Variants in ARSJ observed in about 807,000 individuals in gnomAD.
The protein encoded by ARSJ is arylsulfatase family member J.
Under a neutral mutation model 35.9 loss-of-function variants are expected in ARSJ, and 26 were observed. That is an observed-to-expected ratio of 0.72 (90% CI 0.53 to 1.00). The LOEUF is 1.00. Among genes scored for constraint, ARSJ ranks in the 50% least tolerant of loss-of-function variants. The pLI, the probability that ARSJ is intolerant of heterozygous loss-of-function variation, is 0.00. For missense variants in ARSJ, 667 were observed against 723.6 expected (o/e 0.92, Z 0.90); for synonymous variants, 294 against 267.6 (o/e 1.10, Z -0.96).
rs557022959 is a variant in ARSJ at position 113,970,175 on chromosome 4, T to C, written c.398+8262A>G. 2.0e-5 allele frequency among the ~76,000 whole-genome samples: 3 copies of C among 152,280 alleles called. No individual in the cohort carries two copies. In the East Asian group the frequency reaches 5.8e-4, roughly 29 times the overall value. On this transcript the variant is annotated intron_variant, in intron 1 of 1. Coordinates refer to ENST00000315366, the MANE Select transcript of ARSJ (RefSeq NM_024590.4). ...AGAAGAGAGGAAATTGAGATGTTCTTGAGAAACTGTGAATCATCCATTTCC... is the reference window on the plus strand; with the variant it reads ...AGAAGAGAGGAAATTGAGATGTTCTCGAGAAACTGTGAATCATCCATTTCC...
intron 1 of ARSJ, among the ~76,000 whole-genome samples, chr4:113,976,003 T>A (rs1329686754): frequency 6.6e-6 from 1 of 152,194 alleles, no homozygotes; most frequent in South Asian, 2.1e-4. Flanking sequence ...ATGGCTCCAA[T>A]GCAGGGGTCT....
intron 1 of ARSJ, among the ~76,000 whole-genome samples, chr4:113,931,703 A>G (rs958903748): frequency 6.6e-6 from 1 of 152,104 alleles, no homozygotes; most frequent in Non-Finnish European, 1.5e-5. Context: ...GGTATTTGCA[A>G]GAAAAAAGTA....
In ARSJ at chr4:113,970,476, T is replaced by A. The variant is rs559900002; in HGVS notation, c.398+7961A>T. On this transcript the variant is annotated intron_variant, in intron 1 of 1. Transcript: ENST00000315366. ...TTTTTCAAATAAAAATAATTTTACC[T>A]TCAGCGTGAATGTGAAGATCAAATA... 1.1e-3 allele frequency: 174 copies of A among 152,336 alleles called. 1 individual carries two copies. The highest frequency in any genetic ancestry group is 4.1e-3 in the African/African-American group (170 of 41,574). The allele number at this position is 152,336 out of a possible 1,614,324, so 9.4% of individuals were successfully genotyped here.
At chr4:113,905,793 G>A (rs926296237) in intron 1 of ARSJ, among the ~76,000 whole-genome samples, 47 of 144,774 alleles carry the variant, frequency 3.2e-4, no homozygotes, top group African/African-American at 4.3e-4. Context: ...TCAGCCACCC[G>A]AGTAGCTGGA....
At chr4:113,945,055 C>T (rs1430221831) in intron 1 of ARSJ, among the ~76,000 whole-genome samples, 1 of 152,028 alleles carries the variant, frequency 6.6e-6, no homozygotes, top group Non-Finnish European at 1.5e-5. Context: ...TTTGAAGTTA[C>T]ATTTTAACAA....
In ARSJ at chr4:113,903,201, C is replaced by A. The variant is rs1454363112; in HGVS notation, c.873G>T (p.Arg291Ser). ...HYRSIININR[R>S]RYAAMLSCLD... Reference sequence around the variant, plus strand: ...AGCAGGAAAGCATGGCAGCATATCTCCTCCTGTTTATGTTGATAATGGATC... The same window carrying A: ...AGCAGGAAAGCATGGCAGCATATCTACTCCTGTTTATGTTGATAATGGATC... The change falls in exon 2 of 2, where the codon AGG becomes AGT. Residue 291 changes from arginine to serine, a missense_variant. Arg to Ser is a moderately radical substitution (Grantham distance 110, BLOSUM62 -1). Coordinates refer to ENST00000315366, the MANE Select transcript of ARSJ (RefSeq NM_024590.4). 6.2e-7 allele frequency: 1 copy of A among 1,614,190 alleles called. No individual in the cohort carries two copies. Among genetic ancestry groups the A allele is most frequent in the Admixed American group, 1.7e-5 (1 of 60,036 alleles).
intron 1 of ARSJ, among the ~76,000 whole-genome samples, chr4:113,971,482 A>G (rs1301643457): frequency 6.6e-6 from 1 of 152,106 alleles, no homozygotes; most frequent in Non-Finnish European, 1.5e-5. Context: ...GAGTGTGCCA[A>G]TAGTTTATTT....
intron 1 of ARSJ, among the ~76,000 whole-genome samples, chr4:113,946,619 T>C (rs1725504699): frequency 6.6e-6 from 1 of 151,874 alleles, no homozygotes; most frequent in Non-Finnish European, 1.5e-5. Context: ...TTTATATATT[T>C]GATATGCCAG....
chr4:113,951,631 C>T (rs1418537493), intron 1 of ARSJ, among the ~76,000 whole-genome samples: 5 of 152,100 alleles, frequency 3.3e-5, no homozygotes, highest in Non-Finnish European at 7.4e-5. Context: ...GCCAGTTGTC[C>T]TCTCTCGTAG....
intron 1 of ARSJ, among the ~76,000 whole-genome samples, chr4:113,968,208 G>C (rs1202820089): frequency 6.6e-6 from 1 of 152,154 alleles, no homozygotes; most frequent in African/African-American, 2.4e-5. Context: ...AGGATAGATA[G>C]TTTAAGTTAT....
At chr4:113,935,943 C>A (rs1354153697) in intron 1 of ARSJ, among the ~76,000 whole-genome samples, 1 of 151,878 alleles carries the variant, frequency 6.6e-6, no homozygotes, top group East Asian at 1.9e-4. Context: ...AGCTATTCAA[C>A]AAATAAATGT....
chr4:113,931,332 G>C (rs1724434246), intron 1 of ARSJ, among the ~76,000 whole-genome samples: 1 of 151,948 alleles, frequency 6.6e-6, no homozygotes, highest in African/African-American at 2.4e-5. Flanking sequence ...TCTCCTCTTG[G>C]ACCTACTGTG....
intron 1 of ARSJ, among the ~76,000 whole-genome samples, chr4:113,945,637 T>C (rs1241587909): frequency 6.6e-6 from 1 of 152,080 alleles, no homozygotes; most frequent in Non-Finnish European, 1.5e-5. Flanking sequence ...TAAAAGGCAT[T>C]ATAAACAGCT....
intron 1 of ARSJ, among the ~76,000 whole-genome samples, chr4:113,954,922 G>T (rs1726074872): frequency 6.6e-6 from 1 of 150,926 alleles, no homozygotes; most frequent in Non-Finnish European, 1.5e-5. Flanking sequence ...TCTTATTTTG[G>T]TTTGGTTCCT....
At chr4:113,961,965 T>A (rs955147965) in intron 1 of ARSJ, among the ~76,000 whole-genome samples, 2 of 151,514 alleles carry the variant, frequency 1.3e-5, no homozygotes, top group Admixed American at 6.6e-5. Context: ...TTTGATGCAA[T>A]CAATAGTCTG....
intron 1 of ARSJ, among the ~76,000 whole-genome samples, chr4:113,916,796 A>G (rs1420059984): frequency 2.0e-5 from 3 of 152,144 alleles, no homozygotes; most frequent in Admixed American, 6.5e-5. Context: ...TTAAATGTCT[A>G]TGGAGGAATG....
intron 1 of ARSJ, among the ~76,000 whole-genome samples, chr4:113,920,431 T>C (rs1367112132): frequency 1.3e-5 from 2 of 152,156 alleles, no homozygotes; most frequent in Non-Finnish European, 2.9e-5. Context: ...CTATTGGTGA[T>C]ACCCTAAAGA....
chr4:113,905,585 A>G (rs1262568793), intron 1 of ARSJ, among the ~76,000 whole-genome samples: 1 of 151,766 alleles, frequency 6.6e-6, no homozygotes, highest in Non-Finnish European at 1.5e-5. Context: ...AAAATGTAAG[A>G]AATTCCTAAA....
rs141355221 is a variant in ARSJ at position 113,974,442 on chromosome 4, G to C, written c.398+3995C>G. On this transcript the variant is annotated intron_variant, in intron 1 of 1. Transcript: ENST00000315366. ...ACTTGCAATACAAATATCTAACAAA[G>C]GAATAGAATATATAACTACCACAAA... is the stretch of plus-strand genomic sequence containing the variant. 8.4e-3 allele frequency among the ~76,000 whole-genome samples: 1,274 copies of C among 151,978 alleles called. 8 individuals are homozygous for C. Among genetic ancestry groups the C allele is most frequent in the Non-Finnish European group, 0.014 (934 of 67,924 alleles).
Sources: allele counts gnomAD v4.1 joint callset (sites outside exome capture counted in the v4.1 genomes callset), GRCh38; gene constraint gnomAD v4.1.1; transcripts MANE v1.5; gene names NCBI Gene and HGNC (gene_info 2026-07-23, HGNC 2026-07-21).